ARHGAP10: variants seen among roughly 807,000 people sequenced by gnomAD.
ARHGAP10 encodes the protein Rho GTPase activating protein 10.
ARHGAP10 carries 87 observed loss-of-function variants against 108.6 expected under a neutral mutation model. That is an observed-to-expected ratio of 0.80 (90% confidence interval 0.67 to 0.96). The LOEUF is 0.96. ARHGAP10 is among the 40% of genes least tolerant of loss of function. The probability of loss-of-function intolerance (pLI) is 0.00; values close to 1 mark genes in which losing one functional copy is unlikely to be tolerated. For missense variants in ARHGAP10, 939 were observed against 954.5 expected (o/e 0.98, Z 0.21); for synonymous variants, 347 against 341.1 (o/e 1.02, Z -0.19).
chr4:147,906,546 T>TAAA (rs35780665), intron 10 of ARHGAP10, 92 bp from the exon 11 acceptor site: 30 of 863,908 alleles, frequency 3.5e-5, no homozygotes, highest in South Asian at 5.8e-5. Flanking sequence ...CAGATAAAAG[T>TAAA]AAAAAAAAAA....
At chr4:147,889,160 C>T (rs1368595726) in intron 10 of ARHGAP10, among the ~76,000 whole-genome samples, 2 of 152,192 alleles carry the variant, frequency 1.3e-5, no homozygotes, top group Non-Finnish European at 2.9e-5. Context: ...AGTCAACTAT[C>T]CTTTTCTTCT....
intron 1 of ARHGAP10, among the ~76,000 whole-genome samples, chr4:147,784,243 C>T (rs1465937354): frequency 1.8e-5 from 2 of 109,410 alleles, no homozygotes; most frequent in Non-Finnish European, 3.4e-5. Context: ...ATATAATTTA[C>T]ATAACATTAA....
At chr4:147,744,441 C>G (rs796110043) in intron 1 of ARHGAP10, among the ~76,000 whole-genome samples, 6 of 151,918 alleles carry the variant, frequency 3.9e-5, no homozygotes, top group African/African-American at 1.2e-4. Context: ...ACTCTAAGGA[C>G]AGTAGGAAGT....
chr4:148,032,779 C>T (rs1728210502), intron 19 of ARHGAP10, among the ~76,000 whole-genome samples: 1 of 152,016 alleles, frequency 6.6e-6, no homozygotes, highest in South Asian at 2.1e-4. Flanking sequence ...AGTCGGTGAC[C>T]AAAAGCCCGA....
At chr4:147,814,285 A>T (rs1318593085) in intron 1 of ARHGAP10, among the ~76,000 whole-genome samples, 1 of 149,716 alleles carries the variant, frequency 6.7e-6, no homozygotes, top group Non-Finnish European at 1.5e-5. Flanking sequence ...CTTTGCTAGG[A>T]TGCATCTTTT....
chr4:148,019,022 A>T (rs1741459609), intron 18 of ARHGAP10, among the ~76,000 whole-genome samples: 1 of 152,250 alleles, frequency 6.6e-6, no homozygotes, highest in South Asian at 2.1e-4. Context: ...TTAGGAAGTA[A>T]TTTATATCCA....
intron 10 of ARHGAP10, among the ~76,000 whole-genome samples, chr4:147,885,284 T>C (rs1305104719): frequency 6.6e-6 from 1 of 152,164 alleles, no homozygotes; most frequent in African/African-American, 2.4e-5. Context: ...TTCCATATGG[T>C]TGGGGAGGCC....
intron 13 of ARHGAP10, among the ~76,000 whole-genome samples, chr4:147,924,697 C>T (rs1432847733): frequency 1.3e-5 from 2 of 152,086 alleles, no homozygotes; most frequent in Non-Finnish European, 2.9e-5. Context: ...AACATTAGCC[C>T]AAAAGACTAT....
At position 148,032,817 on chromosome 4, in the gene ARHGAP10, C is replaced by A. The variant is rs576647481; in HGVS notation, c.1867+9404C>A. On this transcript the variant is annotated intron_variant, in intron 19 of 22. Transcript: ENST00000336498. ...GCCCACTGGTGTAAGTCCAGGAGTC[C>A]AAATCTGAAGAACTTGGACTCTCAT... is the stretch of plus-strand genomic sequence containing the variant. Among the ~76,000 whole-genome samples, 5 of 152,212 alleles carry A rather than the reference C, an allele frequency of 3.3e-5. No homozygotes were observed. The South Asian group carries it at 1.0e-3, about 32-fold the overall frequency.
chr4:147,926,265 G>A (rs1330150324), intron 13 of ARHGAP10, among the ~76,000 whole-genome samples: 2 of 152,176 alleles, frequency 1.3e-5, no homozygotes, highest in Non-Finnish European at 2.9e-5. Flanking sequence ...TAGAATGGGG[G>A]TAAGATGGAA....
chr4:148,051,927 G>A (rs1335499342), intron 20 of ARHGAP10, among the ~76,000 whole-genome samples: 3 of 152,116 alleles, frequency 2.0e-5, no homozygotes, highest in Admixed American at 6.5e-5. Context: ...CAAATGAATG[G>A]GGGGTTTCTC....
intron 1 of ARHGAP10, among the ~76,000 whole-genome samples, chr4:147,776,241 A>AC (rs1170039971): frequency 6.6e-6 from 1 of 152,170 alleles, no homozygotes; most frequent in Admixed American, 6.5e-5. Flanking sequence ...AAATTCTAAG[A>AC]CGGAGTCTTG....
chr4:147,841,443 T>G (rs1184170490), intron 3 of ARHGAP10, among the ~76,000 whole-genome samples: 3 of 152,236 alleles, frequency 2.0e-5, no homozygotes, highest in Non-Finnish European at 2.9e-5. Context: ...CTCCTTGACA[T>G]TGGGAAACTG....
intron 1 of ARHGAP10, among the ~76,000 whole-genome samples, chr4:147,812,147 G>C (rs1732052514): frequency 1.3e-5 from 2 of 152,152 alleles, no homozygotes; most frequent in Non-Finnish European, 2.9e-5. Context: ...TCGAGGACTT[G>C]GATGAACTTA....
chr4:148,034,479 G>A (rs988440574), intron 19 of ARHGAP10, among the ~76,000 whole-genome samples: 4 of 151,276 alleles, frequency 2.6e-5, no homozygotes, highest in Admixed American at 6.6e-5. Flanking sequence ...CACCACTCCC[G>A]GCTAATTTTT....
At position 148,063,236 on chromosome 4, in the gene ARHGAP10, T is replaced by C. The variant is rs759944402; in HGVS notation, c.2116T>C (p.Ser706Pro). 2 of 1,614,188 alleles carry C rather than the reference T, an allele frequency of 1.2e-6. No homozygotes were observed. Among genetic ancestry groups the C allele is most frequent in the South Asian group, 2.2e-5 (2 of 91,076 alleles). The change falls in exon 21 of 23, where the codon TCA becomes CCA. Residue 706 changes from serine (S) to proline (P), a missense_variant. By Grantham distance (74) the Ser-to-Pro change is moderately conservative. Coordinates refer to ENST00000336498, the MANE Select transcript of ARHGAP10 (RefSeq NM_024605.4). ...TSSNSAVTPL[S>P]PGSSPFPFSP... ...CTCCAACTCAGCTGTGACACCTCTT[T>C]CACCCGGGTCGTCCCCTTTCCCCTT...
intron 3 of ARHGAP10, among the ~76,000 whole-genome samples, chr4:147,840,463 T>C (rs1733366624): frequency 6.6e-6 from 1 of 152,202 alleles, no homozygotes; most frequent in Non-Finnish European, 1.5e-5. Context: ...ACATTCCTGC[T>C]TTACCCCAGT....
intron 1 of ARHGAP10, among the ~76,000 whole-genome samples, chr4:147,801,076 G>A (rs1483230740): frequency 3.3e-5 from 5 of 152,238 alleles, no homozygotes; most frequent in Non-Finnish European, 1.5e-5. Flanking sequence ...AAAGTGCTGA[G>A]ATAACAGGCG....
chr4:147,943,601 C>CA (rs1249945961), intron 14 of ARHGAP10, among the ~76,000 whole-genome samples: 1 of 152,142 alleles, frequency 6.6e-6, no homozygotes, highest in Non-Finnish European at 1.5e-5. Flanking sequence ...AACATTCACC[C>CA]AAATAAAAAG....
Sources: allele counts gnomAD v4.1 joint callset (sites outside exome capture counted in the v4.1 genomes callset), GRCh38; gene constraint gnomAD v4.1.1; transcripts MANE v1.5; gene names NCBI Gene and HGNC (gene_info 2026-07-23, HGNC 2026-07-21).